Variants in CACNA2D4 observed in about 807,000 individuals in gnomAD.
The protein encoded by CACNA2D4 is voltage-dependent calcium channel subunit alpha-2/delta-4.
In CACNA2D4, 157 loss-of-function variants were observed where a neutral mutation model predicts 163.8. That is an observed-to-expected ratio of 0.96 (90% CI 0.84 to 1.09). CACNA2D4 has a LOEUF of 1.09. Ranked by LOEUF, CACNA2D4 falls within the 50% of genes least tolerant of loss-of-function variation. The pLI, the probability that CACNA2D4 is intolerant of heterozygous loss-of-function variation, is 0.00. For synonymous variants in CACNA2D4, 598 were observed against 586.9 expected, an observed-to-expected ratio of 1.02 and a Z score of -0.27; for missense variants, 1,410 against 1,479.9, an observed-to-expected ratio of 0.95 and a Z score of 0.78.
At position 1,918,591 on chromosome 12, in the gene CACNA2D4, C is replaced by T. The variant is rs914689714; in HGVS notation, c.-118G>A. 11 of 732,848 alleles carry T rather than the reference C, an allele frequency of 1.5e-5. No individual in the cohort carries two copies. Among genetic ancestry groups the T allele is most frequent in the Non-Finnish European group, 2.5e-5 (11 of 442,352 alleles). The allele number at this position is 732,848 out of a possible 1,614,324, so 45.4% of individuals were successfully genotyped here. On this transcript the variant is annotated 5_prime_UTR_variant, in exon 1 of 38. Transcript: ENST00000382722. ...TGGGTGGGGAGGGCTTCTCTCTGCCCCACAGCTGCAGCTCACAGAAGAGTC... is the reference window on the plus strand; with the variant it reads ...TGGGTGGGGAGGGCTTCTCTCTGCCTCACAGCTGCAGCTCACAGAAGAGTC...
chr12:1,800,490 G>GCCC, intron 31 of CACNA2D4, 52 bp from the exon 32 acceptor site: 4 of 1,382,208 alleles, frequency 2.9e-6, no homozygotes, highest in Non-Finnish European at 3.0e-6. Flanking sequence ...GGGTGAGGGT[G>GCCC]CCCCCCCCCC....
In CACNA2D4 at chr12:1,834,544, C is replaced by T. The variant is rs764892380; in HGVS notation, c.2551+6195G>A. ...TGAGGCGAGCCATGGGCACGGTGAT[C>T]ATTGCAGGGGTCGTGTGCGGCGTCG... On this transcript the variant is annotated intron_variant, in intron 26 of 37. Transcript: ENST00000382722. This position sits in a 1 kb window ranked among gnomAD's most constrained non-coding sequence, Gnocchi z 7.6. The T allele has an allele frequency of 6.2e-6, 10 of 1,604,324 alleles. No individual in the cohort carries two copies. The South Asian group carries it at 1.1e-4, about 18-fold the overall frequency.
At chr12:1,795,267 C>T in intron 37 of CACNA2D4, 32 bp downstream of exon 37, 1 of 1,601,502 alleles carries the variant, frequency 6.2e-7, no homozygotes, top group Non-Finnish European at 8.5e-7. Context: ...GGATGAAAAT[C>T]CAGCCCACCC....
chr12:1,821,209 G>T (rs1260179811), intron 26 of CACNA2D4, among the ~76,000 whole-genome samples: 2 of 152,200 alleles, frequency 1.3e-5, no homozygotes, highest in Non-Finnish European at 2.9e-5. Context: ...GGGGGTCATG[G>T]GAAGCGGTTG....
chr12:1,884,408 GC>G, intron 11 of CACNA2D4, 87 bp from the exon 12 acceptor site: 1 of 1,056,354 alleles, frequency 9.5e-7, no homozygotes, highest in Non-Finnish European at 1.4e-6. Context: ...TTAGATGTTG[GC>G]CCCAGTGCCT....
In CACNA2D4 at chr12:1,858,647, G is replaced by C; in HGVS notation, c.1941-3C>G. 6.3e-7 allele frequency: 1 copy of C among 1,593,994 alleles called. No individual in the cohort carries two copies. The highest frequency in any genetic ancestry group is 8.6e-7 in the Non-Finnish European group (1 of 1,169,088). Reference sequence around the variant, plus strand: ...CCCGGGACAGCACCACCCCCAAACTGTGGGGAGAGAAGAGAAGGCACTCAT... The same window carrying C: ...CCCGGGACAGCACCACCCCCAAACTCTGGGGAGAGAAGAGAAGGCACTCAT... On this transcript the variant is annotated splice_region_variant and splice_polypyrimidine_tract_variant and intron_variant, in intron 19 of 37. Transcript: ENST00000382722.
At position 1,828,098 on chromosome 12, in the gene CACNA2D4, G is replaced by A. The variant is rs758936726; in HGVS notation, c.2551+12641C>T. The A allele has an allele frequency of 3.2e-5, 47 of 1,465,980 alleles. No individual in the cohort carries two copies. The highest frequency in any genetic ancestry group is 4.9e-5 in the Admixed American group (2 of 40,834). The allele number at this position is 1,465,980 out of a possible 1,614,324, so 90.8% of individuals were successfully genotyped here. A position where few individuals can be genotyped will look rare whatever the true frequency, so the allele number is the denominator to read the frequency against. On this transcript the variant is annotated intron_variant, in intron 26 of 37. Transcript: ENST00000382722. This position sits in a 1 kb window ranked among gnomAD's most constrained non-coding sequence, Gnocchi z 4.2. ...CAGGACTGACAGGCGGCGCACCCAGGGGCTCCTCTCTCCCCAGAGCGACAG... is the reference window on the plus strand; with the variant it reads ...CAGGACTGACAGGCGGCGCACCCAGAGGCTCCTCTCTCCCCAGAGCGACAG...
intron 29 of CACNA2D4, among the ~76,000 whole-genome samples, chr12:1,803,440 GA>G (rs1863406065): frequency 1.3e-5 from 2 of 152,198 alleles, no homozygotes; most frequent in South Asian, 4.1e-4. Context: ...CCCACACCAG[GA>G]ATCTGGGATG....
Position 1,914,922 on chromosome 12 carries a change from C to T in CACNA2D4, c.241G>A (p.Ala81Thr), listed in dbSNP as rs777900967. ...KIPLETVKLWADTFGGDLYNT... is the reference protein window; with the variant it reads ...KIPLETVKLWTDTFGGDLYNT... ...TACAGGTCCCCGCCGAAGGTGTCAG[C>T]CCATAGCTTCACTCTGCCAGGCAAT... is the stretch of plus-strand genomic sequence containing the variant. The change falls in exon 2 of 38, where the codon GCT (alanine) becomes ACT (threonine). Residue 81 changes from alanine (A) to threonine (T), a missense_variant. Ala to Thr is a moderately conservative substitution (Grantham distance 58). Coordinates refer to ENST00000382722, the MANE Select transcript of CACNA2D4 (RefSeq NM_172364.5). The T allele has an allele frequency of 6.2e-7, 1 of 1,613,070 alleles. No homozygotes were observed. Among genetic ancestry groups the T allele is most frequent in the Non-Finnish European group, 8.5e-7 (1 of 1,179,078 alleles).
At chr12:1,831,122 C>A (rs775962971) in intron 26 of CACNA2D4, 19 of 1,614,018 alleles carry the variant, frequency 1.2e-5, no homozygotes, top group Non-Finnish European at 1.6e-5. Context: ...CCCTGCCAAG[C>A]TGGGCTTTCG....
rs897930471 is a variant in CACNA2D4 at position 1,917,505 on chromosome 12, C to T, written c.227+742G>A. Reference sequence around the variant, plus strand: ...AACAGGATGGGGTCTGTAGCACCTACAGTCTAGAAGGCTCTGCTACCCACA... The same window carrying T: ...AACAGGATGGGGTCTGTAGCACCTATAGTCTAGAAGGCTCTGCTACCCACA... On this transcript the variant is annotated intron_variant, in intron 1 of 37. Coordinates refer to ENST00000382722, the MANE Select transcript of CACNA2D4 (RefSeq NM_172364.5). The surrounding 1 kb of genome is among the most constrained non-coding windows in gnomAD (Gnocchi z 4.3). Among the ~76,000 whole-genome samples, 16 of 152,142 alleles carry T rather than the reference C, an allele frequency of 1.1e-4. No homozygotes were observed. The highest frequency in any genetic ancestry group is 2.2e-4 in the Non-Finnish European group (15 of 68,022).
At chr12:1,865,002 C>T (rs1000244040) in intron 18 of CACNA2D4, among the ~76,000 whole-genome samples, 1 of 152,162 alleles carries the variant, frequency 6.6e-6, no homozygotes, top group Non-Finnish European at 1.5e-5. Context: ...GTGGGCGCCG[C>T]GCTCCCGCTG....
rs182828421 is a variant in CACNA2D4 at position 1,828,775 on chromosome 12, C to T, written c.2551+11964G>A. Among the ~76,000 whole-genome samples, 39 of 152,288 alleles carry T rather than the reference C, an allele frequency of 2.6e-4. No homozygotes were observed. The East Asian group carries it at 6.4e-3, about 25-fold the overall frequency. On this transcript the variant is annotated intron_variant, in intron 26 of 37. Transcript: ENST00000382722. This position sits in a 1 kb window ranked among gnomAD's most constrained non-coding sequence, Gnocchi z 4.2. ...AAGAGACTTTGGGGAGTGGGTCCAA[C>T]CCCTCCTGCATATAGGCAGACTGAG... is the stretch of plus-strand genomic sequence containing the variant.
chr12:1,795,667 T>A lies in CACNA2D4; in HGVS notation c.3226+1A>T, dbSNP rs368458336. 3 of 1,588,238 alleles carry A rather than the reference T, an allele frequency of 1.9e-6. No individual in the cohort carries two copies. The highest frequency in any genetic ancestry group is 2.6e-6 in the Non-Finnish European group (3 of 1,157,180). On this transcript the variant is annotated splice_donor_variant, in intron 36 of 37. Transcript: ENST00000382722. LOFTEE classifies it high-confidence loss of function. ...ACACATCCCCGAGCATTGCAGGATA[T>A]ATTTGACTTCTGTCGCCTCCTGCAG...
chr12:1,828,064 T>C lies in CACNA2D4; in HGVS notation c.2551+12675A>G, dbSNP rs1217029412. On this transcript the variant is annotated intron_variant, in intron 26 of 37. Coordinates refer to ENST00000382722, the MANE Select transcript of CACNA2D4 (RefSeq NM_172364.5). The surrounding 1 kb of genome is among the most constrained non-coding windows in gnomAD (Gnocchi z 4.2). ...CGCGCCTGCCTGTGCTCAGTGCTCCTCCCTCCCTCAGGACTGACAGGCGGC... is the reference window on the plus strand; with the variant it reads ...CGCGCCTGCCTGTGCTCAGTGCTCCCCCCTCCCTCAGGACTGACAGGCGGC... 1.5e-6 allele frequency: 2 copies of C among 1,319,266 alleles called. No homozygotes were observed. Among genetic ancestry groups the C allele is most frequent in the Admixed American group, 2.9e-5 (1 of 34,648 alleles). The allele number at this position is 1,319,266 out of a possible 1,614,324, so 81.7% of individuals were successfully genotyped here. A position where few individuals can be genotyped will look rare whatever the true frequency, so the allele number is the denominator to read the frequency against.
At chr12:1,914,812 C>A (rs777412947) in intron 2 of CACNA2D4, 42 bp downstream of exon 2, 3 of 1,408,080 alleles carry the variant, frequency 2.1e-6, no homozygotes, top group Admixed American at 1.7e-5. Context: ...TGGCTGACTG[C>A]CCTCTGCCAC....
At chr12:1,879,112 C>A (rs1865940562) in intron 14 of CACNA2D4, 76 bp from the exon 15 acceptor site, 4 of 1,206,076 alleles carry the variant, frequency 3.3e-6, no homozygotes, top group Admixed American at 1.8e-5. Flanking sequence ...CTGGGCCTGT[C>A]CAGAGCCTGG....
At chr12:1,814,478 T>A (rs1863813407) in intron 26 of CACNA2D4, among the ~76,000 whole-genome samples, 1 of 152,224 alleles carries the variant, frequency 6.6e-6, no homozygotes, top group African/African-American at 2.4e-5. Context: ...AATCCTCTTG[T>A]AAGACAAAAA....
Position 1,834,606 on chromosome 12 carries a change from G to A in CACNA2D4, c.2551+6133C>T, listed in dbSNP as rs1483347441. 6.2e-7 allele frequency: 1 copy of A among 1,600,146 alleles called. No individual in the cohort carries two copies. The highest frequency in any genetic ancestry group is 1.3e-5 in the African/African-American group (1 of 75,046). On this transcript the variant is annotated intron_variant, in intron 26 of 37. Transcript: ENST00000382722. This position sits in a 1 kb window ranked among gnomAD's most constrained non-coding sequence, Gnocchi z 7.6. The stretch of plus-strand genomic sequence containing the variant: ...ATGGTGGTGGCCGCTGCCTATGGCT[G>A]CATCTACGCCTCCCTCATGGCCAAG...
Sources: allele counts gnomAD v4.1 joint callset (sites outside exome capture counted in the v4.1 genomes callset), GRCh38; gene constraint gnomAD v4.1.1; non-coding constraint Gnocchi (gnomAD v3.1); transcripts MANE v1.5; gene names NCBI Gene and HGNC (gene_info 2026-07-23, HGNC 2026-07-21).